Variants in NR6A1 observed in about 807,000 individuals in gnomAD.
The protein encoded by NR6A1 is retinoic acid receptor-related testis-associated receptor.
NR6A1 carries 7 observed loss-of-function variants against 59.1 expected under a neutral mutation model. The observed-to-expected ratio is 0.12, with a 90% CI of 0.07 to 0.22. NR6A1 has a LOEUF of 0.22. Ranked by LOEUF, NR6A1 falls within the 10% of genes least tolerant of loss-of-function variation. NR6A1 has a pLI of 1.00. For synonymous variants in NR6A1, 243 were observed against 236.1 expected, an observed-to-expected ratio of 1.03 and a Z score of -0.27; for missense variants, 468 against 611.6, an observed-to-expected ratio of 0.77 and a Z score of 2.48.
chr9:124,744,956 A>G (rs927772924), intron 1 of NR6A1, among the ~76,000 whole-genome samples: 2 of 152,180 alleles, frequency 1.3e-5, no homozygotes, highest in African/African-American at 4.8e-5. Flanking sequence ...ATTTTCTTTA[A>G]AATCTCCATA....
intron 1 of NR6A1, among the ~76,000 whole-genome samples, chr9:124,741,148 A>G (rs1234594316): frequency 6.6e-6 from 1 of 152,226 alleles, no homozygotes; most frequent in African/African-American, 2.4e-5. Flanking sequence ...TTGGAATGTG[A>G]CTGGCGTGAA....
At position 124,752,219 on chromosome 9, in the gene NR6A1, A is replaced by G. The variant is rs549457053; in HGVS notation, c.100+18801T>C. Among the ~76,000 whole-genome samples the G allele has an allele frequency of 9.2e-5, 14 of 152,374 alleles. No homozygotes were observed. The East Asian group carries it at 2.7e-3, about 29-fold the overall frequency. ...AGGAGGCAGAGGTTACAATGAGCCAAGATCACGCCACTGCACTCCAGCCTG... is the reference window on the plus strand; with the variant it reads ...AGGAGGCAGAGGTTACAATGAGCCAGGATCACGCCACTGCACTCCAGCCTG... On this transcript the variant is annotated intron_variant, in intron 1 of 9. Transcript: ENST00000487099.
intron 2 of NR6A1, among the ~76,000 whole-genome samples, chr9:124,556,324 G>T (rs1833923839): frequency 6.6e-6 from 1 of 152,184 alleles, no homozygotes; most frequent in African/African-American, 2.4e-5. Flanking sequence ...TACGAAGACA[G>T]AGGCAGAAAC....
chr9:124,751,346 G>A (rs189819607), intron 1 of NR6A1, among the ~76,000 whole-genome samples: 6 of 152,264 alleles, frequency 3.9e-5, no homozygotes, highest in Non-Finnish European at 5.9e-5. Context: ...CTCTAAGAAC[G>A]AGAGAAAAAT....
At chr9:124,556,465 T>TC (rs1382653182) in intron 2 of NR6A1, among the ~76,000 whole-genome samples, 1 of 151,712 alleles carries the variant, frequency 6.6e-6, no homozygotes, top group Non-Finnish European at 1.5e-5. Context: ...TACTGATTTT[T>TC]TTTTTTTTTT....
At chr9:124,546,262 C>T (rs747906068) in intron 3 of NR6A1, among the ~76,000 whole-genome samples, 12 of 152,174 alleles carry the variant, frequency 7.9e-5, no homozygotes, top group Non-Finnish European at 1.3e-4. Context: ...ACAGATGGAT[C>T]TAAGGCTCAC....
At chr9:124,661,334 G>A (rs189604164) in intron 2 of NR6A1, among the ~76,000 whole-genome samples, 114 of 152,292 alleles carry the variant, frequency 7.5e-4, no homozygotes, top group Non-Finnish European at 1.4e-3. Flanking sequence ...CGAGCAGGGG[G>A]AAACAGTACA....
intron 1 of NR6A1, among the ~76,000 whole-genome samples, chr9:124,753,312 T>C (rs2131178404): frequency 6.6e-6 from 1 of 152,340 alleles, no homozygotes; most frequent in South Asian, 2.1e-4. Flanking sequence ...TTAACACAAT[T>C]CTATTTTCAT....
intron 2 of NR6A1, chr9:124,598,703 A>T: frequency 1.5e-6 from 1 of 661,266 alleles, no homozygotes; most frequent in Non-Finnish European, 2.5e-6. Flanking sequence ...AAATAAGACG[A>T]TTTATTGTTT....
rs60023969 is a variant in NR6A1, at chr9:124,623,526, A to ATT, written c.143-68958_143-68957dup. ...AGGCATGAGCTACCATGCCTGGCTAATTTTTTTTTTTTTTTTTAAGAGATG... is the reference window on the plus strand; with the variant it reads ...AGGCATGAGCTACCATGCCTGGCTAATTTTTTTTTTTTTTTTTTTAAGAGATG... On this transcript the variant is annotated intron_variant, in intron 2 of 9. Coordinates refer to ENST00000487099, the MANE Select transcript of NR6A1 (RefSeq NM_033334.4). Among the ~76,000 whole-genome samples, 14 of 139,566 alleles carry ATT rather than the reference A, an allele frequency of 1.0e-4. No individual in the cohort carries two copies. The South Asian group carries it at 1.2e-3, about 12-fold the overall frequency. The allele number at this position is 139,566 out of a possible 152,430, so 91.6% of individuals were successfully genotyped here. A position where few individuals can be genotyped will look rare whatever the true frequency, so the allele number is the denominator to read the frequency against.
At chr9:124,639,526 G>C (rs1327112550) in intron 2 of NR6A1, among the ~76,000 whole-genome samples, 4 of 152,154 alleles carry the variant, frequency 2.6e-5, no homozygotes, top group Admixed American at 6.5e-5. Context: ...CTCAAACTTA[G>C]CCCTATCAAG....
chr9:124,594,250 T>G (rs968292241), intron 2 of NR6A1, among the ~76,000 whole-genome samples: 1 of 152,208 alleles, frequency 6.6e-6, no homozygotes, highest in Admixed American at 6.5e-5. Context: ...TTTATGAAAG[T>G]TCTTGTTTTG....
chr9:124,679,455 C>T (rs1342273952), intron 2 of NR6A1, among the ~76,000 whole-genome samples: 1 of 152,210 alleles, frequency 6.6e-6, no homozygotes, highest in African/African-American at 2.4e-5. Context: ...CTCAGCAGAT[C>T]CGCACCTGCC....
rs985749615 is a variant in NR6A1, at chr9:124,520,305, T to G, written c.*2400A>C. The G allele has an allele frequency of 2.0e-5, 3 of 152,224 alleles. No individual in the cohort carries two copies. Among genetic ancestry groups the G allele is most frequent in the Non-Finnish European group, 2.9e-5 (2 of 68,046 alleles). 9.4% of individuals were successfully genotyped at this position (152,224 alleles called of 1,614,324 possible). On this transcript the variant is annotated 3_prime_UTR_variant, in exon 10 of 10. Coordinates refer to ENST00000487099, the MANE Select transcript of NR6A1 (RefSeq NM_033334.4). ...ATTAAAGACGGTCCACAGGTCAGGC[T>G]CCGGCTCGGAACACACAGCCACTTT...
chr9:124,611,315 C>T lies in NR6A1; in HGVS notation c.143-56745G>A, dbSNP rs779118032. Among the ~76,000 whole-genome samples the T allele has an allele frequency of 1.8e-4, 28 of 152,138 alleles. No individual in the cohort carries two copies. In the South Asian group the frequency reaches 2.5e-3, roughly 14 times the overall value. On this transcript the variant is annotated intron_variant, in intron 2 of 9. Coordinates refer to ENST00000487099, the MANE Select transcript of NR6A1 (RefSeq NM_033334.4). ...TCCTTACTTCCAGAACCATGAGTCA[C>T]GTTCTCTACAAGAATCTCTGTTTTC... is the stretch of plus-strand genomic sequence containing the variant.
intron 2 of NR6A1, among the ~76,000 whole-genome samples, chr9:124,647,379 A>C (rs1393980584): frequency 7.9e-5 from 12 of 152,218 alleles, no homozygotes; most frequent in Non-Finnish European, 1.5e-4. Flanking sequence ...CTACATGCCA[A>C]TAACTTGGAA....
At chr9:124,625,270 C>A (rs1002933129) in intron 2 of NR6A1, among the ~76,000 whole-genome samples, 1 of 152,188 alleles carries the variant, frequency 6.6e-6, no homozygotes, top group Non-Finnish European at 1.5e-5. Context: ...GGTAACCTCA[C>A]AAGAGCTGCT....
intron 2 of NR6A1, among the ~76,000 whole-genome samples, chr9:124,620,479 G>C (rs373247046): frequency 6.6e-6 from 1 of 152,110 alleles, no homozygotes; most frequent in African/African-American, 2.4e-5. Context: ...CCATACACTG[G>C]AATATATTCA....
chr9:124,759,817 G>A (rs1227087685), intron 1 of NR6A1, among the ~76,000 whole-genome samples: 2 of 152,140 alleles, frequency 1.3e-5, no homozygotes, highest in African/African-American at 4.8e-5. Flanking sequence ...CAAGGCGGGT[G>A]GATCATGAGA....
Sources: allele counts gnomAD v4.1 joint callset (sites outside exome capture counted in the v4.1 genomes callset), GRCh38; gene constraint gnomAD v4.1.1; transcripts MANE v1.5; gene names NCBI Gene and HGNC (gene_info 2026-07-23, HGNC 2026-07-21).